The following EPB41L3 variants were observed in gnomAD, a reference collection of about 807,000 sequenced individuals.
EPB41L3 encodes erythrocyte membrane protein band 4.1 like 3.
In EPB41L3, 57 loss-of-function variants were observed where a neutral mutation model predicts 127.1. That is an observed-to-expected ratio of 0.45 (90% CI 0.36 to 0.56). EPB41L3 has a LOEUF of 0.56. EPB41L3 is among the 20% of genes least tolerant of loss of function. The probability of loss-of-function intolerance (pLI) is 0.00; values close to 1 mark genes in which losing one functional copy is unlikely to be tolerated. For synonymous variants in EPB41L3, 572 were observed against 549.5 expected, an observed-to-expected ratio of 1.04 and a Z score of -0.57; for missense variants, 1,273 against 1,372.2, an observed-to-expected ratio of 0.93 and a Z score of 1.14.
upstream of EPB41L3, chr18:5,630,504 G>A: frequency 5.8e-6 from 3 of 518,460 alleles, no homozygotes; most frequent in South Asian, 4.2e-5. Context: ...AGGTCCCTCC[G>A]CAGGGGCTCT....
intron 16 of EPB41L3, chr18:5,398,537 C>T: frequency 2.5e-6 from 1 of 402,934 alleles, no homozygotes; most frequent in Non-Finnish European, 4.4e-6. Flanking sequence ...TGGCTGCTCT[C>T]AACATAAAGC....
At chr18:5,471,005 T>A (rs1024441751) in intron 3 of EPB41L3, among the ~76,000 whole-genome samples, 7 of 152,124 alleles carry the variant, frequency 4.6e-5, no homozygotes, top group Non-Finnish European at 5.9e-5. Context: ...TAGAGCTGAC[T>A]GGGGGCCTGG....
intron 15 of EPB41L3, among the ~76,000 whole-genome samples, chr18:5,407,487 G>A (rs1048357229): frequency 1.1e-4 from 16 of 152,012 alleles, no homozygotes; most frequent in African/African-American, 2.2e-4. Context: ...CCCTTTATTC[G>A]TTTAATCAGA....
At chr18:5,561,065 C>T (rs2094124324) in intron 3 of EPB41L3, among the ~76,000 whole-genome samples, 1 of 147,386 alleles carries the variant, frequency 6.8e-6, no homozygotes, top group Non-Finnish European at 1.5e-5. Context: ...GCAAGCTCCG[C>T]CTCCCAGGTT....
intron 3 of EPB41L3, among the ~76,000 whole-genome samples, chr18:5,571,732 T>C (rs950753389): frequency 2.6e-5 from 4 of 152,200 alleles, no homozygotes; most frequent in Non-Finnish European, 4.4e-5. Context: ...GGCTATCCAT[T>C]GAGGGATATG....
At chr18:5,559,577 A>G (rs922298538) in intron 3 of EPB41L3, among the ~76,000 whole-genome samples, 1 of 152,246 alleles carries the variant, frequency 6.6e-6, no homozygotes, top group South Asian at 2.1e-4. Context: ...TTGGACACCA[A>G]GAAGTGAAAC....
chr18:5,535,725 A>G (rs1251798833), intron 1 of EPB41L3, among the ~76,000 whole-genome samples: 1 of 152,226 alleles, frequency 6.6e-6, no homozygotes, highest in African/African-American at 2.4e-5. Context: ...AAATTGGTGA[A>G]TGAAGACTGG....
intron 1 of EPB41L3, among the ~76,000 whole-genome samples, chr18:5,524,260 C>T (rs569348800): frequency 3.1e-4 from 47 of 152,046 alleles, no homozygotes; most frequent in African/African-American, 1.1e-3. Flanking sequence ...GCGGCGCAAT[C>T]TCGGCTTCCT....
Position 5,397,886 on chromosome 18 carries a change from A to G in EPB41L3, c.2472+135T>C. The G allele has an allele frequency of 1.0e-6, 1 of 972,078 alleles. No individual in the cohort carries two copies. The highest frequency in any genetic ancestry group is 1.6e-6 in the Non-Finnish European group (1 of 634,320). 60.2% of individuals were successfully genotyped at this position (972,078 alleles called of 1,614,324 possible). A position where few individuals can be genotyped will look rare whatever the true frequency, so the allele number is the denominator to read the frequency against. ...CAGATATGCCAAGCAGACACAAAGG[A>G]CAATAAGTGAAGACACCTTTGAGAT... On this transcript the variant is annotated intron_variant, in intron 17 of 22. Transcript: ENST00000341928. This position sits in a 1 kb window ranked among gnomAD's most constrained non-coding sequence, Gnocchi z 4.1.
At chr18:5,598,770 A>G (rs2094560918) in intron 3 of EPB41L3, among the ~76,000 whole-genome samples, 1 of 152,218 alleles carries the variant, frequency 6.6e-6, no homozygotes, top group African/African-American at 2.4e-5. Flanking sequence ...AATTAACACT[A>G]TCACTGCCTT....
At chr18:5,484,991 G>A (rs9951951) in intron 2 of EPB41L3, among the ~76,000 whole-genome samples, 6,678 of 150,456 alleles carry the variant, frequency 0.044, 287 homozygotes, top group African/African-American at 0.12. Flanking sequence ...CATGCTACAA[G>A]GTCAATATTA....
intron 1 of EPB41L3, among the ~76,000 whole-genome samples, chr18:5,539,105 C>G (rs1470305545): frequency 6.8e-6 from 1 of 146,374 alleles, no homozygotes; most frequent in African/African-American, 2.5e-5. Context: ...TAGACCTTTA[C>G]TTGGTTTGGG....
rs760696640 is a variant in EPB41L3, at chr18:5,395,055, C to A, written c.3153+12G>T. Reference sequence around the variant, plus strand: ...TTCTCTGCCAGGGTATTTACCGTCTCACACACACTACCTGGTCATGGTCAA... The same window carrying A: ...TTCTCTGCCAGGGTATTTACCGTCTAACACACACTACCTGGTCATGGTCAA... On this transcript the variant is annotated intron_variant, in intron 21 of 22. Coordinates refer to ENST00000341928, the MANE Select transcript of EPB41L3 (RefSeq NM_012307.5). 104 of 1,612,962 alleles carry A rather than the reference C, an allele frequency of 6.4e-5. No homozygotes were observed. Among genetic ancestry groups the A allele is most frequent in the Admixed American group, 4.5e-4 (27 of 59,998 alleles).
intron 3 of EPB41L3, among the ~76,000 whole-genome samples, chr18:5,580,393 T>C (rs1049872927): frequency 6.6e-6 from 1 of 152,156 alleles, no homozygotes; most frequent in Non-Finnish European, 1.5e-5. Context: ...ACTCATGCCA[T>C]GTGTATAGAC....
chr18:5,506,653 G>A (rs2092226742), intron 1 of EPB41L3, among the ~76,000 whole-genome samples: 1 of 152,130 alleles, frequency 6.6e-6, no homozygotes, highest in Non-Finnish European at 1.5e-5. Context: ...GGAAGTGGGG[G>A]ATTTTTAGTT....
At chr18:5,565,367 G>C (rs899584486) in intron 3 of EPB41L3, among the ~76,000 whole-genome samples, 1 of 152,028 alleles carries the variant, frequency 6.6e-6, no homozygotes, top group African/African-American at 2.4e-5. Context: ...AGCCAAGATC[G>C]TGCCATTGCA....
At chr18:5,408,141 G>A (rs942716914) in intron 14 of EPB41L3, among the ~76,000 whole-genome samples, 7 of 152,144 alleles carry the variant, frequency 4.6e-5, no homozygotes, top group Admixed American at 2.0e-4. Flanking sequence ...TATGAATCCC[G>A]CCCTATGAGG....
At chr18:5,584,954 T>C (rs1028989716) in intron 3 of EPB41L3, among the ~76,000 whole-genome samples, 1 of 152,198 alleles carries the variant, frequency 6.6e-6, no homozygotes, top group Non-Finnish European at 1.5e-5. Context: ...TGTGTGACTC[T>C]TACTGTCTCA....
intron 3 of EPB41L3, among the ~76,000 whole-genome samples, chr18:5,573,704 C>T (rs977846948): frequency 2.6e-5 from 4 of 152,072 alleles, no homozygotes; most frequent in Non-Finnish European, 5.9e-5. Flanking sequence ...CCCATCAGGA[C>T]CCTCATCCCA....
Sources: gnomAD v4.1 joint callset for allele counts (sites outside exome capture counted in the v4.1 genomes callset) on GRCh38, gnomAD v4.1.1 for gene constraint, Gnocchi (gnomAD v3.1) non-coding constraint, MANE v1.5 for transcripts, NCBI Gene and HGNC (gene_info 2026-07-23, HGNC 2026-07-21) for gene names.